The following CNTNAP2 variants were observed in gnomAD, a reference collection of about 807,000 sequenced individuals.
CNTNAP2 encodes the protein contactin associated protein 2, also known as contactin-associated protein-like 2.
Under a neutral mutation model 155.2 loss-of-function variants are expected in CNTNAP2, and 98 were observed. The observed-to-expected ratio is 0.63, with a 90% CI of 0.54 to 0.75. The LOEUF (loss-of-function observed/expected upper bound fraction) is 0.75. Among genes scored for constraint, CNTNAP2 ranks in the 30% least tolerant of loss-of-function variants. CNTNAP2 has a pLI of 0.00. For missense variants in CNTNAP2, 1,727 were observed against 1,688.1 expected (o/e 1.02, Z -0.40); for synonymous variants, 651 against 631.2 (o/e 1.03, Z -0.47).
intron 1 of CNTNAP2, among the ~76,000 whole-genome samples, chr7:146,196,466 G>A (rs1798776717): frequency 6.6e-6 from 1 of 151,780 alleles, no homozygotes; most frequent in Non-Finnish European, 1.5e-5. Flanking sequence ...CAGTTCAGAA[G>A]ATCCCAAAAT....
At chr7:148,299,973 T>C (rs1797354058) in intron 21 of CNTNAP2, among the ~76,000 whole-genome samples, 1 of 152,332 alleles carries the variant, frequency 6.6e-6, no homozygotes, top group East Asian at 1.9e-4. Flanking sequence ...GGTAAAAAAC[T>C]GTCCACTAAA....
intron 1 of CNTNAP2, among the ~76,000 whole-genome samples, chr7:146,733,378 C>T (rs560879746): frequency 7.9e-5 from 12 of 151,922 alleles, no homozygotes; most frequent in South Asian, 2.1e-4. Context: ...TCATTTTATT[C>T]GTTTGCTTAT....
At position 146,370,355 on chromosome 7, in the gene CNTNAP2, T is replaced by C. The variant is rs147503346; in HGVS notation, c.97+253382T>C. 5.9e-3 allele frequency among the ~76,000 whole-genome samples: 898 copies of C among 151,656 alleles called. 10 individuals are homozygous for C. The highest frequency in any genetic ancestry group is 0.021 in the African/African-American group (849 of 41,316). ...TGGGAGGCTGATGCAAGAGATTCGT[T>C]TGTACCCAGCATGCGGAGGTTGCAG... On this transcript the variant is annotated intron_variant, in intron 1 of 23. Transcript: ENST00000361727.
At chr7:147,135,543 T>C (rs1200689500) in intron 8 of CNTNAP2, among the ~76,000 whole-genome samples, 2 of 151,846 alleles carry the variant, frequency 1.3e-5, no homozygotes, top group African/African-American at 4.8e-5. Flanking sequence ...AAAAAGGGTC[T>C]AATGAATAAT....
chr7:146,334,144 C>T (rs926658001), intron 1 of CNTNAP2, among the ~76,000 whole-genome samples: 6 of 151,954 alleles, frequency 3.9e-5, no homozygotes, highest in South Asian at 4.1e-4. Flanking sequence ...TTAATTAAAG[C>T]GCCCTGGCCG....
intron 1 of CNTNAP2, among the ~76,000 whole-genome samples, chr7:146,341,158 T>C (rs1345365117): frequency 1.3e-5 from 2 of 152,172 alleles, no homozygotes; most frequent in African/African-American, 4.8e-5. Flanking sequence ...TTTAACTATC[T>C]TATTTTATTC....
intron 6 of CNTNAP2, chr7:147,122,936 A>C (rs1801150964): frequency 6.6e-6 from 1 of 152,166 alleles, no homozygotes; most frequent in Admixed American, 6.5e-5. Flanking sequence ...TGGAAAAAAC[A>C]GGATTAATAG....
chr7:147,583,650 G>A (rs10255433), intron 12 of CNTNAP2, among the ~76,000 whole-genome samples: 104,752 of 150,964 alleles, frequency 0.69, 36,976 homozygotes, highest in African/African-American at 0.82. Flanking sequence ...ACTCTTTGCA[G>A]ATAATTGTAT....
intron 20 of CNTNAP2, among the ~76,000 whole-genome samples, chr7:148,236,506 C>CA (rs1307268692): frequency 1.3e-5 from 2 of 152,098 alleles, no homozygotes; most frequent in Non-Finnish European, 2.9e-5. Context: ...ACATGAGGAG[C>CA]AAAAAGCAAC....
Position 146,279,429 on chromosome 7 carries a change from AACACAC to A in CNTNAP2, c.97+162485_97+162490del, listed in dbSNP as rs60178387. On this transcript the variant is annotated intron_variant, in intron 1 of 23. Transcript: ENST00000361727. ...CTTCATTAAAAAATTCATTTCCTTA[AACACAC>A]ACACACACACACACACACACACACA... is the stretch of plus-strand genomic sequence containing the variant. Among the ~76,000 whole-genome samples, 980 of 144,696 alleles carry A rather than the reference AACACAC, an allele frequency of 6.8e-3. 8 individuals carry two copies. The highest frequency in any genetic ancestry group is 0.013 in the African/African-American group (529 of 40,324). 94.9% of individuals were successfully genotyped at this position (144,696 alleles called of 152,430 possible).
At chr7:147,501,402 GAAA>G (rs1006664173) in intron 11 of CNTNAP2, among the ~76,000 whole-genome samples, 1 of 152,016 alleles carries the variant, frequency 6.6e-6, no homozygotes, top group Non-Finnish European at 1.5e-5. Context: ...GTAAGAAGAA[GAAA>G]AAAACACATC....
chr7:147,492,783 C>T (rs1798632870), intron 11 of CNTNAP2, among the ~76,000 whole-genome samples: 1 of 152,108 alleles, frequency 6.6e-6, no homozygotes, highest in Admixed American at 6.6e-5. Context: ...TCAGCTTTTC[C>T]AGTCCATGCC....
At chr7:146,212,386 G>T (rs1361464819) in intron 1 of CNTNAP2, among the ~76,000 whole-genome samples, 3 of 152,084 alleles carry the variant, frequency 2.0e-5, no homozygotes, top group Non-Finnish European at 4.4e-5. Flanking sequence ...TTGGGAGTCT[G>T]GTGTGTCCCT....
intron 15 of CNTNAP2, among the ~76,000 whole-genome samples, chr7:148,019,295 A>G (rs531472074): frequency 1.3e-5 from 2 of 152,222 alleles, no homozygotes; most frequent in South Asian, 2.1e-4. Flanking sequence ...TCTGTCTCCT[A>G]TGGGATCCAG....
At position 147,377,143 on chromosome 7, in the gene CNTNAP2, C is replaced by G. The variant is rs1525221; in HGVS notation, c.1499-18466C>G. ...TTCCTTTATTCCTTCTTCTCCCCCCCCTTTTGGTTGATCAAATATTTTTAA... is the reference window on the plus strand; with the variant it reads ...TTCCTTTATTCCTTCTTCTCCCCCCGCTTTTGGTTGATCAAATATTTTTAA... On this transcript the variant is annotated intron_variant, in intron 9 of 23. Coordinates refer to ENST00000361727, the MANE Select transcript of CNTNAP2 (RefSeq NM_014141.6). Among the ~76,000 whole-genome samples, 10 of 150,598 alleles carry G rather than the reference C, an allele frequency of 6.6e-5. No homozygotes were observed. The South Asian group carries it at 8.4e-4, about 13-fold the overall frequency.
chr7:147,475,631 A>C (rs1798307333), intron 10 of CNTNAP2, among the ~76,000 whole-genome samples: 1 of 152,108 alleles, frequency 6.6e-6, no homozygotes, highest in Non-Finnish European at 1.5e-5. Context: ...TTGGTCACTC[A>C]AGATTTAAAA....
intron 15 of CNTNAP2, among the ~76,000 whole-genome samples, chr7:148,065,961 T>C (rs1803250831): frequency 6.6e-6 from 1 of 152,240 alleles, no homozygotes; most frequent in African/African-American, 2.4e-5. Flanking sequence ...CTTGTAGCAA[T>C]TCTTGTAGTG....
At chr7:147,447,719 C>T (rs1309057326) in intron 10 of CNTNAP2, among the ~76,000 whole-genome samples, 1 of 152,088 alleles carries the variant, frequency 6.6e-6, no homozygotes, top group East Asian at 1.9e-4. Flanking sequence ...TGCACCCAGC[C>T]TATTTGGGGT....
chr7:147,629,676 A>T (rs1795049332), intron 12 of CNTNAP2, among the ~76,000 whole-genome samples: 2 of 152,072 alleles, frequency 1.3e-5, no homozygotes, highest in African/African-American at 4.8e-5. Context: ...TCCAAAAGGA[A>T]CCCTCAAAAC....
Sources: allele counts gnomAD v4.1 joint callset (sites outside exome capture counted in the v4.1 genomes callset), GRCh38; gene constraint gnomAD v4.1.1; transcripts MANE v1.5; gene names NCBI Gene and HGNC (gene_info 2026-07-23, HGNC 2026-07-21).